Variants in ABCF3 observed in about 807,000 individuals in gnomAD.
ABCF3 encodes the protein ATP-binding cassette sub-family F member 3.
In ABCF3, 62 loss-of-function variants were observed where a neutral mutation model predicts 94.3. The ratio of observed to expected loss-of-function variants is 0.66; its 90% confidence interval spans 0.54 to 0.81. ABCF3 has a LOEUF of 0.81. Among genes scored for constraint, ABCF3 ranks in the 40% least tolerant of loss-of-function variants. ABCF3 has a pLI of 0.00. For missense variants in ABCF3, 843 were observed against 925.3 expected, an observed-to-expected ratio of 0.91 and a Z score of 1.15; for synonymous variants, 355 against 361.1, an observed-to-expected ratio of 0.98 and a Z score of 0.19.
rs201777346 is a variant in ABCF3 at position 184,189,483 on chromosome 3, G to A, written c.1113+40G>A. 62 of 1,613,936 alleles carry A rather than the reference G, an allele frequency of 3.8e-5. 2 individuals carry two copies. In the Admixed American group the frequency reaches 4.7e-4, roughly 12 times the overall value. ...GTGCTGGAGTGTGTTGGGGAAAGGCGGCCTCCAAGATACCTGGGGGCCTGA... is the reference window on the plus strand; with the variant it reads ...GTGCTGGAGTGTGTTGGGGAAAGGCAGCCTCCAAGATACCTGGGGGCCTGA... On this transcript the variant is annotated intron_variant, in intron 12 of 20. Coordinates refer to ENST00000429586, the MANE Select transcript of ABCF3 (RefSeq NM_018358.3).
intron 13 of ABCF3, 39 bp from the exon 14 acceptor site, chr3:184,189,816 G>C: frequency 6.2e-7 from 1 of 1,614,054 alleles, no homozygotes; most frequent in Non-Finnish European, 8.5e-7. Flanking sequence ...GGGGGATAGT[G>C]GGGGAATTTG....
Position 184,187,744 on chromosome 3 carries a change from C to T in ABCF3, c.429C>T (p.Leu143=). 6.2e-7 allele frequency: 1 copy of T among 1,614,194 alleles called. No homozygotes were observed. Among genetic ancestry groups the T allele is most frequent in the Non-Finnish European group, 8.5e-7 (1 of 1,180,048 alleles). The change falls in exon 5 of 21, where the codon CTC becomes CTT. Residue 143 remains leucine (L), a synonymous_variant. Coordinates refer to ENST00000429586, the MANE Select transcript of ABCF3 (RefSeq NM_018358.3). The stretch of plus-strand genomic sequence containing the variant: ...AGAAGCGCTCAGAGAAGGACACGCT[C>T]AAGACCAGCAACCCTCTGTGAGTGG... The part of the protein sequence containing the change: ...KQEKRSEKDT[L]KTSNPLVLEE...
chr3:184,190,062 TGGGA>T, intron 14 of ABCF3, 131 bp downstream of exon 14: 8 of 950,944 alleles, frequency 8.4e-6, no homozygotes, highest in Non-Finnish European at 1.1e-5. Flanking sequence ...CCTCCTCTGC[TGGGA>T]AGCAGAGTAT....
In ABCF3 at chr3:184,187,180, C is replaced by T. The variant is rs1715685737; in HGVS notation, c.302-217C>T. 1.8e-5 allele frequency: 12 copies of T among 668,542 alleles called. No homozygotes were observed. The South Asian group carries it at 2.2e-4, about 12-fold the overall frequency. 41.4% of individuals were successfully genotyped at this position (668,542 alleles called of 1,614,324 possible). Reference sequence around the variant, plus strand: ...GATCTTGTAAGAGTTGGTTATCTGTCCCCAGCCTTGTCTATGCCTCTGTAT... The same window carrying T: ...GATCTTGTAAGAGTTGGTTATCTGTTCCCAGCCTTGTCTATGCCTCTGTAT... On this transcript the variant is annotated intron_variant, in intron 3 of 20. Coordinates refer to ENST00000429586, the MANE Select transcript of ABCF3 (RefSeq NM_018358.3).
chr3:184,189,777 T>G lies in ABCF3; in HGVS notation c.1314+20T>G, dbSNP rs773040473. The G allele has an allele frequency of 6.2e-7, 1 of 1,613,946 alleles. No individual in the cohort carries two copies. Among genetic ancestry groups the G allele is most frequent in the East Asian group, 2.2e-5 (1 of 44,878 alleles). On this transcript the variant is annotated intron_variant, in intron 13 of 20. Transcript: ENST00000429586. ...ATCCAGGTGTGGGGCCTGGCAGGGC[T>G]GGGGGTCCCATCCCAGGGGTTCCAG...
Position 184,186,489 on chromosome 3 carries a change from C to T in ABCF3, c.74-18C>T. The T allele has an allele frequency of 6.2e-7, 1 of 1,600,890 alleles. No homozygotes were observed. The highest frequency in any genetic ancestry group is 1.1e-5 in the South Asian group (1 of 89,080). ...CACCCTACCCGATACCTTCCTCGTT[C>T]TACCACGCCCTGCCCAGGCGTCTTG... On this transcript the variant is annotated intron_variant, in intron 1 of 20. Transcript: ENST00000429586.
At chr3:184,186,774 C>A in intron 2 of ABCF3, 22 bp from the exon 3 acceptor site, 1 of 1,610,288 alleles carries the variant, frequency 6.2e-7, no homozygotes, top group South Asian at 1.1e-5. Context: ...TAACTCTGCG[C>A]TTTCTATCCC....
Position 184,189,236 on chromosome 3 carries a change from C to T in ABCF3, c.1035-19C>T, listed in dbSNP as rs201261593. On this transcript the variant is annotated intron_variant, in intron 10 of 20. Transcript: ENST00000429586. ...GAGTTGCTGACCTAAAACCTCAGGCCATGTATTGTTTTTCATAGGCCAGAT... is the reference window on the plus strand; with the variant it reads ...GAGTTGCTGACCTAAAACCTCAGGCTATGTATTGTTTTTCATAGGCCAGAT... 3.7e-6 allele frequency: 6 copies of T among 1,614,000 alleles called. No individual in the cohort carries two copies. The highest frequency in any genetic ancestry group is 4.2e-6 in the Non-Finnish European group (5 of 1,180,058).
In ABCF3 at chr3:184,188,422, C is replaced by A; in HGVS notation, c.836+15C>A. On this transcript the variant is annotated intron_variant, in intron 7 of 20. Coordinates refer to ENST00000429586, the MANE Select transcript of ABCF3 (RefSeq NM_018358.3). ...GCTGCTGGCAGGTGAGGACTCCCGG[C>A]TAGGGAGTAACTAGCAGCCGCTGTC... 1 of 1,596,260 alleles carries A rather than the reference C, an allele frequency of 6.3e-7. No homozygotes were observed. Among genetic ancestry groups the A allele is most frequent in the Non-Finnish European group, 8.6e-7 (1 of 1,169,192 alleles).
rs780837743 is a variant in ABCF3 at position 184,193,123 on chromosome 3, G to A, written c.1772G>A (p.Arg591His). 5.3e-5 allele frequency: 82 copies of A among 1,545,782 alleles called. No individual in the cohort carries two copies. The highest frequency in any genetic ancestry group is 6.8e-5 in the Non-Finnish European group (78 of 1,148,096). Reference sequence around the variant, plus strand: ...CCAGGGCGGCCTGAGGAGGAGTACCGTCACCAGCTGGGTCGGTATGGCATC... The same window carrying A: ...CCAGGGCGGCCTGAGGAGGAGTACCATCACCAGCTGGGTCGGTATGGCATC... ...KFPGRPEEEY[R>H]HQLGRYGISG... is the part of the protein sequence containing the mutation. The change falls in exon 19 of 21, where the codon CGT becomes CAT. Residue 591 changes from arginine (R) to histidine (H), a missense_variant. By Grantham distance (29) the Arg-to-His change is conservative (BLOSUM62 0). Coordinates refer to ENST00000429586, the MANE Select transcript of ABCF3 (RefSeq NM_018358.3). The surrounding 1 kb of genome is among the most constrained non-coding windows in gnomAD (Gnocchi z 5.2).
At chr3:184,188,489 C>A (rs1040432239) in intron 7 of ABCF3, 82 bp downstream of exon 7, 38 of 1,515,626 alleles carry the variant, frequency 2.5e-5, no homozygotes, top group Non-Finnish European at 3.4e-5. Flanking sequence ...CCATAATTTG[C>A]ATGTACATCC....
At position 184,193,825 on chromosome 3, in the gene ABCF3, C is replaced by G. The variant is rs1716187344; in HGVS notation, c.*127C>G. On this transcript the variant is annotated 3_prime_UTR_variant, in exon 21 of 21. Coordinates refer to ENST00000429586, the MANE Select transcript of ABCF3 (RefSeq NM_018358.3). The surrounding 1 kb of genome is among the most constrained non-coding windows in gnomAD (Gnocchi z 5.2). ...GGGACAGCCTTATTCCCAAATGTCT[C>G]TATCCTTTTGACTGGAGCATCTTCT... The G allele has an allele frequency of 8.3e-7, 1 of 1,203,824 alleles. No individual in the cohort carries two copies. Among genetic ancestry groups the G allele is most frequent in the Non-Finnish European group, 1.1e-6 (1 of 880,302 alleles). 74.6% of individuals were successfully genotyped at this position (1,203,824 alleles called of 1,614,324 possible).
In ABCF3 at chr3:184,186,660, T is replaced by C. The variant is rs1335253681; in HGVS notation, c.221+6T>C. On this transcript the variant is annotated splice_donor_region_variant and intron_variant, in intron 2 of 20. Coordinates refer to ENST00000429586, the MANE Select transcript of ABCF3 (RefSeq NM_018358.3). ...ATGTACAACACTCTGCGTCTGTATG[T>C]GCCAGGGAGTAGGGGTTGATGGGGG... The C allele has an allele frequency of 1.2e-6, 2 of 1,604,276 alleles. No homozygotes were observed. The highest frequency in any genetic ancestry group is 1.7e-5 in the Admixed American group (1 of 59,328).
chr3:184,189,398 C>T lies in ABCF3; in HGVS notation c.1068C>T (p.Asn356=). Residue 356 remains asparagine, a synonymous_variant, in exon 12 of 21, where the codon AAC becomes AAT. Transcript: ENST00000429586. Reference sequence around the variant, plus strand: ...CCCCTGCTTCTCCAGAACCTACAAACATGCTGGATGTCAGGGCCATCCTGT... The same window carrying T: ...CCCCTGCTTCTCCAGAACCTACAAATATGCTGGATGTCAGGGCCATCCTGT... ...PDLLLLDEPT[N]MLDVRAILWL... 11 of 1,614,196 alleles carry T rather than the reference C, an allele frequency of 6.8e-6. No homozygotes were observed. The highest frequency in any genetic ancestry group is 4.5e-5 in the East Asian group (2 of 44,890).
rs767424582 is a variant in ABCF3 at position 184,191,223 on chromosome 3, G to T, written c.1537G>T (p.Val513Leu). 3.7e-6 allele frequency: 6 copies of T among 1,614,206 alleles called. No homozygotes were observed. Among genetic ancestry groups the T allele is most frequent in the Non-Finnish European group, 4.2e-6 (5 of 1,180,048 alleles). ...PKHVIFSRLSVSADLESRICV... is the reference protein window; with the variant it reads ...PKHVIFSRLSLSADLESRICV... Reference sequence around the variant, plus strand: ...GCACGTCATCTTCAGTCGCCTCTCTGTGTCTGCTGATCTCGAGTCTCGCAT... The same window carrying T: ...GCACGTCATCTTCAGTCGCCTCTCTTTGTCTGCTGATCTCGAGTCTCGCAT... Residue 513 changes from valine to leucine, a missense_variant, in exon 16 of 21, where the codon GTG becomes TTG. By Grantham distance (32) the Val-to-Leu change is conservative. Coordinates refer to ENST00000429586, the MANE Select transcript of ABCF3 (RefSeq NM_018358.3).
intron 14 of ABCF3, 142 bp downstream of exon 14, chr3:184,190,073 G>T: frequency 1.2e-6 from 1 of 858,024 alleles, no homozygotes; most frequent in Non-Finnish European, 1.9e-6. Context: ...GGGAAGCAGA[G>T]TATTCCACAC....
chr3:184,189,269 T>C lies in ABCF3; in HGVS notation c.1049T>C (p.Leu350Pro). The C allele has an allele frequency of 6.2e-7, 1 of 1,614,192 alleles. No individual in the cohort carries two copies. The highest frequency in any genetic ancestry group is 8.5e-7 in the Non-Finnish European group (1 of 1,180,042). The change falls in exon 11 of 21, where the codon CTG (leucine) becomes CCG (proline). Residue 350 changes from leucine (L) to proline (P), a missense_variant. Physicochemically the swap from Leu to Pro is moderately conservative, Grantham distance 98 (BLOSUM62 -3). Transcript: ENST00000429586. Reference sequence around the variant, plus strand: ...GTTTTTCATAGGCCAGATCTTCTGCTGTTAGATGGTGAGTTTGAAATGGGG... The same window carrying C: ...GTTTTTCATAGGCCAGATCTTCTGCCGTTAGATGGTGAGTTTGAAATGGGG... Reference protein sequence around the residue: ...RALFARPDLLLLDEPTNMLDV... With the variant: ...RALFARPDLLPLDEPTNMLDV...
chr3:184,187,668 T>C lies in ABCF3; in HGVS notation c.353T>C (p.Val118Ala), dbSNP rs769429078. 2.5e-6 allele frequency: 4 copies of C among 1,614,046 alleles called. No homozygotes were observed. Among genetic ancestry groups the C allele is most frequent in the South Asian group, 2.2e-5 (2 of 91,054 alleles). The change falls in exon 5 of 21, where the codon GTG (valine) becomes GCG (alanine). Residue 118 changes from valine to alanine, a missense_variant. Physicochemically the swap from Val to Ala is moderately conservative, Grantham distance 64. Coordinates refer to ENST00000429586, the MANE Select transcript of ABCF3 (RefSeq NM_018358.3). ...TCGATGTGTTTGGACCCTTAGACAG[T>C]GAATGCAAAGAAGTTAGAGAAGGCC... ...GLLKREQSST[V>A]NAKKLEKAEA... is the part of the protein sequence containing the mutation.
In ABCF3 at chr3:184,186,515, C is replaced by A. The variant is rs754304411; in HGVS notation, c.82C>A (p.His28Asn). ...QVFDYVTGVL[H>N]SGSADFESVD... is the part of the protein sequence containing the mutation. ...TACCACGCCCTGCCCAGGCGTCTTG[C>A]ACAGCGGCAGCGCGGACTTCGAGTC... Residue 28 changes from histidine to asparagine, a missense_variant, in exon 2 of 21, where the codon CAC (histidine) becomes AAC (asparagine). Transcript: ENST00000429586. 6.2e-7 allele frequency: 1 copy of A among 1,611,200 alleles called. No individual in the cohort carries two copies. Among genetic ancestry groups the A allele is most frequent in the Non-Finnish European group, 8.5e-7 (1 of 1,178,398 alleles).
Sources: allele counts gnomAD v4.1 joint callset, GRCh38; gene constraint gnomAD v4.1.1; non-coding constraint Gnocchi (gnomAD v3.1); transcripts MANE v1.5; gene names NCBI Gene and HGNC (gene_info 2026-07-23, HGNC 2026-07-21).